FAM13A: variants seen among roughly 807,000 people sequenced by gnomAD.
FAM13A encodes the protein family with sequence similarity 13 member A.
In FAM13A, 76 loss-of-function variants were observed where a neutral mutation model predicts 129.6. That is an observed-to-expected ratio of 0.59 (90% CI 0.49 to 0.71). The LOEUF is 0.71. FAM13A is among the 30% of genes least tolerant of loss of function. The probability of loss-of-function intolerance (pLI) is 0.00; values close to 1 mark genes in which losing one functional copy is unlikely to be tolerated. For synonymous variants in FAM13A, 443 were observed against 449.9 expected (o/e 0.98, Z 0.20); for missense variants, 1,108 against 1,249.3 (o/e 0.89, Z 1.70).
intron 7 of FAM13A, chr4:88,823,150 T>C: frequency 2.7e-6 from 4 of 1,508,734 alleles, no homozygotes; most frequent in South Asian, 1.4e-5. Flanking sequence ...CAACTTGCTC[T>C]GCAGTTGGCC....
chr4:88,893,480 G>A (rs1214949826), intron 6 of FAM13A, among the ~76,000 whole-genome samples: 1 of 152,074 alleles, frequency 6.6e-6, no homozygotes. Context: ...AAAATTAGCT[G>A]GGCGTGGTGG....
chr4:88,953,397 G>A (rs944073756), intron 4 of FAM13A, among the ~76,000 whole-genome samples: 2 of 152,162 alleles, frequency 1.3e-5, no homozygotes, highest in Non-Finnish European at 2.9e-5. Context: ...GGAGGTTGCA[G>A]TGAGCCGAGA....
rs77069696 is a variant in FAM13A at position 88,823,212 on chromosome 4, C to A, written c.1008-18160G>T. Reference sequence around the variant, plus strand: ...ACTTCTTCAGGCAATGCTATTTTATCGGCTGCTTCTCTACATTTACACTGC... The same window carrying A: ...ACTTCTTCAGGCAATGCTATTTTATAGGCTGCTTCTCTACATTTACACTGC... On this transcript the variant is annotated intron_variant, in intron 7 of 23. Transcript: ENST00000264344. 8.5e-6 allele frequency: 12 copies of A among 1,416,652 alleles called. No individual in the cohort carries two copies. The African/African-American group carries it at 1.7e-4, about 20-fold the overall frequency. 87.8% of individuals were successfully genotyped at this position (1,416,652 alleles called of 1,614,324 possible). A position where few individuals can be genotyped will look rare whatever the true frequency, so the allele number is the denominator to read the frequency against.
chr4:88,900,674 T>TA (rs1319347630), intron 6 of FAM13A, among the ~76,000 whole-genome samples: 4 of 152,126 alleles, frequency 2.6e-5, no homozygotes, highest in African/African-American at 9.6e-5. Context: ...GAAAAACCGT[T>TA]ACCAGCCAAT....
At chr4:88,840,669 A>G (rs1191198148) in intron 7 of FAM13A, among the ~76,000 whole-genome samples, 1 of 151,536 alleles carries the variant, frequency 6.6e-6, no homozygotes, top group Non-Finnish European at 1.5e-5. Flanking sequence ...GGATAAGAGC[A>G]GTCTTTCCTG....
intron 3 of FAM13A, among the ~76,000 whole-genome samples, chr4:89,014,854 A>G (rs1184610471): frequency 1.3e-5 from 2 of 152,242 alleles, no homozygotes; most frequent in African/African-American, 2.4e-5. Context: ...TGAAAAAAGA[A>G]CAGGATAACA....
chr4:88,812,030 C>A (rs996040516), intron 7 of FAM13A, among the ~76,000 whole-genome samples: 3 of 152,096 alleles, frequency 2.0e-5, no homozygotes, highest in African/African-American at 7.2e-5. Context: ...CACTCTCCCC[C>A]CTGCTCATTG....
chr4:88,750,405 GCAA>G lies in FAM13A; in HGVS notation c.1940+16_1940+18del. ...GTGGGGATGATGCATTTGTCTATCA[GCAA>G]CACAGAGAAACATACCTCATGAAAG... is the stretch of plus-strand genomic sequence containing the variant. On this transcript the variant is annotated intron_variant, in intron 15 of 23. Transcript: ENST00000264344. 6.3e-7 allele frequency: 1 copy of G among 1,588,568 alleles called. No individual in the cohort carries two copies. Among genetic ancestry groups the G allele is most frequent in the South Asian group, 1.1e-5 (1 of 90,558 alleles).
At position 88,789,374 on chromosome 4, in the gene FAM13A, C is replaced by G. The variant is rs1724637762; in HGVS notation, c.1091+1212G>C. Reference sequence around the variant, plus strand: ...AAAATGGAAATCCATCCTGTTAGATCCAAATTCATTTCAACTAGTGCTTCT... The same window carrying G: ...AAAATGGAAATCCATCCTGTTAGATGCAAATTCATTTCAACTAGTGCTTCT... On this transcript the variant is annotated intron_variant, in intron 9 of 23. Coordinates refer to ENST00000264344, the MANE Select transcript of FAM13A (RefSeq NM_014883.4). Among the ~76,000 whole-genome samples the G allele has an allele frequency of 5.9e-5, 9 of 152,154 alleles. No homozygotes were observed. The South Asian group carries it at 1.9e-3, about 32-fold the overall frequency.
intron 1 of FAM13A, among the ~76,000 whole-genome samples, chr4:89,033,440 G>A (rs1768969991): frequency 6.6e-6 from 1 of 152,142 alleles, no homozygotes; most frequent in Non-Finnish European, 1.5e-5. Context: ...GGTGCAACCA[G>A]GAGTCACACT....
At chr4:88,951,638 C>T (rs913354405) in intron 4 of FAM13A, among the ~76,000 whole-genome samples, 1 of 152,152 alleles carries the variant, frequency 6.6e-6, no homozygotes, top group African/African-American at 2.4e-5. Context: ...ACATTTTCAA[C>T]CTCAGAACTC....
At chr4:89,027,054 A>C (rs1319747400) in intron 2 of FAM13A, among the ~76,000 whole-genome samples, 1 of 152,188 alleles carries the variant, frequency 6.6e-6, no homozygotes, top group Non-Finnish European at 1.5e-5. Flanking sequence ...GACCCACCTT[A>C]CCGGCAGGGG....
intron 4 of FAM13A, 32 bp from the exon 5 acceptor site, chr4:88,938,273 C>A: frequency 6.4e-7 from 1 of 1,569,622 alleles, no homozygotes. Flanking sequence ...AGAGGAATTA[C>A]TTAGTAAACA....
rs536354847 is a variant in FAM13A, at chr4:88,745,791, C to A, written c.2466+1141G>T. Among the ~76,000 whole-genome samples, 6 of 151,930 alleles carry A rather than the reference C, an allele frequency of 3.9e-5. No homozygotes were observed. In the South Asian group the frequency reaches 6.2e-4, roughly 16 times the overall value. On this transcript the variant is annotated intron_variant, in intron 19 of 23. Transcript: ENST00000264344. ...CTTGGCTGAAACATGAACATTATCC[C>A]AGAGTGTCAGTATTTTTCCACTGCA...
chr4:88,800,121 T>C (rs1727119581), intron 8 of FAM13A, among the ~76,000 whole-genome samples: 1 of 151,616 alleles, frequency 6.6e-6, no homozygotes, highest in Non-Finnish European at 1.5e-5. Flanking sequence ...AGACAGAGAG[T>C]GAAATGGTGG....
At chr4:88,931,752 T>A (rs555649800) in intron 5 of FAM13A, among the ~76,000 whole-genome samples, 2 of 152,250 alleles carry the variant, frequency 1.3e-5, no homozygotes, top group African/African-American at 4.8e-5. Context: ...TAACTCACGA[T>A]CAAAAGAAGG....
chr4:88,925,425 AATC>A (rs1478020388), intron 5 of FAM13A, among the ~76,000 whole-genome samples: 1 of 152,110 alleles, frequency 6.6e-6, no homozygotes, highest in East Asian at 1.9e-4. Flanking sequence ...TGAAATTGGA[AATC>A]ATCATTCTCA....
At chr4:88,774,545 G>A (rs986174271) in intron 11 of FAM13A, among the ~76,000 whole-genome samples, 12 of 152,092 alleles carry the variant, frequency 7.9e-5, no homozygotes, top group African/African-American at 2.7e-4. Flanking sequence ...TTGCTGAGTT[G>A]TGTTACACTG....
chr4:88,972,166 T>C lies in FAM13A; in HGVS notation c.605+18807A>G, dbSNP rs191346446. Among the ~76,000 whole-genome samples, 7 of 152,300 alleles carry C rather than the reference T, an allele frequency of 4.6e-5. No homozygotes were observed. The East Asian group carries it at 5.8e-4, about 13-fold the overall frequency. ...CCTTCTGATGCTCTTCCTTTCTTTA[T>C]GTAGATCCAAGTTTCTGACTTACAC... is the stretch of plus-strand genomic sequence containing the variant. On this transcript the variant is annotated intron_variant, in intron 4 of 23. Coordinates refer to ENST00000264344, the MANE Select transcript of FAM13A (RefSeq NM_014883.4).
Sources: gnomAD v4.1 joint callset for allele counts (sites outside exome capture counted in the v4.1 genomes callset) on GRCh38, gnomAD v4.1.1 for gene constraint, MANE v1.5 for transcripts, NCBI Gene and HGNC (gene_info 2026-07-23, HGNC 2026-07-21) for gene names.